CTNND2: variants seen among roughly 807,000 people sequenced by gnomAD.
CTNND2 encodes the protein catenin delta 2, also known as catenin delta-2.
In CTNND2, 22 loss-of-function variants were observed where a neutral mutation model predicts 144.4. The observed-to-expected ratio is 0.15, with a 90% CI of 0.11 to 0.22. The LOEUF (loss-of-function observed/expected upper bound fraction) is 0.22, where lower values mean the gene tolerates loss of function less well. Ranked by LOEUF, CTNND2 falls within the 10% of genes least tolerant of loss-of-function variation. The pLI, the probability that CTNND2 is intolerant of heterozygous loss-of-function variation, is 1.00. For synonymous variants in CTNND2, 751 were observed against 695.6 expected, an observed-to-expected ratio of 1.08 and a Z score of -1.25; for missense variants, 1,353 against 1,618.8, an observed-to-expected ratio of 0.84 and a Z score of 2.82.
At chr5:11,519,322 C>G (rs1239348993) in intron 3 of CTNND2, among the ~76,000 whole-genome samples, 5 of 152,162 alleles carry the variant, frequency 3.3e-5, no homozygotes, top group African/African-American at 1.2e-4. Context: ...CCCTTCATTT[C>G]ATTGAAATTG....
chr5:11,518,033 T>C lies in CTNND2; in HGVS notation c.287+46911A>G, dbSNP rs576136047. On this transcript the variant is annotated intron_variant, in intron 3 of 21. Transcript: ENST00000304623. ...ACCGGGCATTGGTGGAACGGGGCAA[T>C]GGGGTGATGTTGCCAAAGGGCACAA... Among the ~76,000 whole-genome samples the C allele has an allele frequency of 5.9e-5, 9 of 152,054 alleles. No individual in the cohort carries two copies. In the South Asian group the frequency reaches 1.9e-3, roughly 32 times the overall value.
intron 3 of CTNND2, among the ~76,000 whole-genome samples, chr5:11,498,626 A>G (rs1447677455): frequency 1.3e-5 from 2 of 152,222 alleles, no homozygotes; most frequent in Non-Finnish European, 2.9e-5. Flanking sequence ...GGATGCTCCC[A>G]TCTTTTCTAG....
At chr5:11,835,901 G>A (rs1794151670) in intron 1 of CTNND2, among the ~76,000 whole-genome samples, 1 of 151,900 alleles carries the variant, frequency 6.6e-6, no homozygotes, top group Admixed American at 6.6e-5. Flanking sequence ...TCTTTAGCTG[G>A]GAGATTAGAT....
chr5:11,820,539 A>G (rs552962391), intron 1 of CTNND2, among the ~76,000 whole-genome samples: 11 of 152,362 alleles, frequency 7.2e-5, no homozygotes, highest in Non-Finnish European at 1.5e-4. Context: ...CTATAGTCCC[A>G]GCTCACAAAC....
At chr5:11,440,805 T>A (rs1200996455) in intron 3 of CTNND2, among the ~76,000 whole-genome samples, 3 of 152,204 alleles carry the variant, frequency 2.0e-5, no homozygotes, top group Admixed American at 2.0e-4. Flanking sequence ...AATTAAAATT[T>A]AACTTTCAGA....
At chr5:11,287,772 T>C (rs1747899011) in intron 9 of CTNND2, among the ~76,000 whole-genome samples, 1 of 152,210 alleles carries the variant, frequency 6.6e-6, no homozygotes. Context: ...AAAGTGAATA[T>C]GCCTCCTTTT....
intron 20 of CTNND2, among the ~76,000 whole-genome samples, chr5:10,982,676 G>A (rs1737437360): frequency 6.6e-6 from 1 of 152,236 alleles, no homozygotes; most frequent in African/African-American, 2.4e-5. Flanking sequence ...GGAAATCAGT[G>A]TATCAAAAGA....
chr5:11,360,507 G>A (rs6554624), intron 8 of CTNND2, among the ~76,000 whole-genome samples: 5,612 of 152,100 alleles, frequency 0.037, 271 homozygotes, highest in African/African-American at 0.12. Context: ...CCATGAACCC[G>A]AGCTGGTAGA....
chr5:11,140,381 T>C (rs1035317969), intron 12 of CTNND2, among the ~76,000 whole-genome samples: 1 of 152,214 alleles, frequency 6.6e-6, no homozygotes. Flanking sequence ...AAAAACATTA[T>C]CTGGTCAATT....
intron 2 of CTNND2, among the ~76,000 whole-genome samples, chr5:11,596,619 A>T (rs10513100): frequency 0.024 from 3,713 of 152,320 alleles, 86 homozygotes; most frequent in East Asian, 0.11. Flanking sequence ...GTTTTTGTAT[A>T]ACCATTCCCT....
Position 11,364,642 on chromosome 5 carries a change from G to A in CTNND2, c.1372+54C>T, listed in dbSNP as rs61750670. 1,453 of 1,464,008 alleles carry A rather than the reference G, an allele frequency of 9.9e-4. 20 individuals are homozygous for A. In the East Asian group the frequency reaches 0.014, roughly 14 times the overall value. The allele number at this position is 1,464,008 out of a possible 1,614,324, so 90.7% of individuals were successfully genotyped here. ...ATTTGGGAGTGTTATTGAAGCTCCC[G>A]CGCAGAGCCCACCCCCTGTGGACAG... On this transcript the variant is annotated intron_variant, in intron 8 of 21. Transcript: ENST00000304623.
At chr5:11,040,145 C>A (rs1744541404) in intron 16 of CTNND2, among the ~76,000 whole-genome samples, 1 of 152,092 alleles carries the variant, frequency 6.6e-6, no homozygotes. Context: ...ACTCAGGAGG[C>A]TGAGGCAGGA....
chr5:11,488,727 A>G (rs1769091649), intron 3 of CTNND2, among the ~76,000 whole-genome samples: 2 of 152,112 alleles, frequency 1.3e-5, no homozygotes, highest in Admixed American at 1.3e-4. Flanking sequence ...CAATACCCCA[A>G]ACCCTAGCAA....
At chr5:11,600,484 C>A (rs1227308944) in intron 2 of CTNND2, among the ~76,000 whole-genome samples, 1 of 151,654 alleles carries the variant, frequency 6.6e-6, no homozygotes, top group African/African-American at 2.4e-5. Context: ...GGCAGGTGGA[C>A]CACTTGAAGT....
chr5:11,621,251 GGATA>G (rs1480231911), intron 2 of CTNND2, among the ~76,000 whole-genome samples: 1 of 152,042 alleles, frequency 6.6e-6, no homozygotes, highest in African/African-American at 2.4e-5. Flanking sequence ...ATACATTGGT[GGATA>G]ATTACTGGTA....
At chr5:11,242,040 G>A (rs1431349969) in intron 9 of CTNND2, among the ~76,000 whole-genome samples, 3 of 152,098 alleles carry the variant, frequency 2.0e-5, no homozygotes, top group Non-Finnish European at 2.9e-5. Flanking sequence ...GGGGGAGTTG[G>A]AGCAGGGGCT....
intron 1 of CTNND2, among the ~76,000 whole-genome samples, chr5:11,783,524 T>C (rs187972019): frequency 1.3e-5 from 2 of 152,266 alleles, no homozygotes; most frequent in Non-Finnish European, 2.9e-5. Context: ...GTAAGCCACA[T>C]TCTCCAATGT....
In CTNND2 at chr5:10,995,206, A is replaced by G. The variant is rs370941217; in HGVS notation, c.3085-2529T>C. On this transcript the variant is annotated intron_variant, in intron 18 of 21. Transcript: ENST00000304623. ...AACCTGTAAGCGAATGCAAATAAAG[A>G]AAAGCAGAAGGCAGAGGCTGAGTCA... is the stretch of plus-strand genomic sequence containing the variant. Among the ~76,000 whole-genome samples the G allele has an allele frequency of 3.3e-5, 5 of 152,340 alleles. No homozygotes were observed. The East Asian group carries it at 7.7e-4, about 23-fold the overall frequency.
intron 2 of CTNND2, among the ~76,000 whole-genome samples, chr5:11,668,172 G>A (rs1052913481): frequency 5.9e-5 from 9 of 152,314 alleles, no homozygotes; most frequent in African/African-American, 2.2e-4. Context: ...CTGTAGCCTT[G>A]TAATATAGTT....
Sources: allele counts gnomAD v4.1 joint callset (sites outside exome capture counted in the v4.1 genomes callset), GRCh38; gene constraint gnomAD v4.1.1; transcripts MANE v1.5; gene names NCBI Gene and HGNC (gene_info 2026-07-23, HGNC 2026-07-21).